NAA35: variants seen among roughly 807,000 people sequenced by gnomAD.
NAA35 encodes the protein N-alpha-acetyltransferase 35, NatC auxiliary subunit.
A neutral mutation model predicts 101.7 loss-of-function variants in NAA35; 18 were observed. That is an observed-to-expected ratio of 0.18 (90% CI 0.12 to 0.26). NAA35 has a LOEUF of 0.26. Among genes scored for constraint, NAA35 ranks in the 10% least tolerant of loss-of-function variants. The pLI, the probability that NAA35 is intolerant of heterozygous loss-of-function variation, is 1.00. For synonymous variants in NAA35, 267 were observed against 273.1 expected (o/e 0.98, Z 0.22); for missense variants, 601 against 886.8 (o/e 0.68, Z 4.09).
chr9:86,018,702 A>G lies in NAA35; in HGVS notation c.1918A>G (p.Met640Val), dbSNP rs1832357577. ...PPVHYLQFKEMSDLNKYSPPP... is the reference protein window; with the variant it reads ...PPVHYLQFKEVSDLNKYSPPP... ...TTATACTTCCCCTTCTTTTTAGGAA[A>G]TGTCTGACCTCAATAAATATAGCCC... The change falls in exon 21 of 23, where the codon ATG becomes GTG. Residue 640 changes from methionine (M) to valine (V), a missense_variant. By Grantham distance (21) the Met-to-Val change is conservative. Coordinates refer to ENST00000361671, the MANE Select transcript of NAA35 (RefSeq NM_024635.4). 6.2e-7 allele frequency: 1 copy of G among 1,609,020 alleles called. No homozygotes were observed. Among genetic ancestry groups the G allele is most frequent in the Non-Finnish European group, 8.5e-7 (1 of 1,178,740 alleles).
chr9:85,979,653 A>G (rs1830351985), intron 11 of NAA35, among the ~76,000 whole-genome samples: 3 of 152,186 alleles, frequency 2.0e-5, no homozygotes. Context: ...CTTTTTACAC[A>G]CAGTCTACTC....
rs1476181552 is a variant in NAA35 at position 85,942,522 on chromosome 9, TAGAG to T, written c.124+244_124+247del. On this transcript the variant is annotated intron_variant, in intron 2 of 22. Coordinates refer to ENST00000361671, the MANE Select transcript of NAA35 (RefSeq NM_024635.4). ...TTGAATTTTTCTTGCTTTAACAGGT[TAGAG>T]AGAGCAGTAATTTCTAACTGTGGAA... 5.3e-5 allele frequency among the ~76,000 whole-genome samples: 8 copies of T among 152,358 alleles called. 1 individual carries two copies. The East Asian group carries it at 5.8e-4, about 11-fold the overall frequency.
At chr9:85,966,471 T>C (rs138919466) in intron 6 of NAA35, 201 of 296,784 alleles carry the variant, frequency 6.8e-4, no homozygotes, top group Non-Finnish European at 1.2e-3. Context: ...TGAAGGAAGG[T>C]TATCGAATGT....
At chr9:85,968,742 A>C (rs970592678) in intron 6 of NAA35, among the ~76,000 whole-genome samples, 5 of 152,116 alleles carry the variant, frequency 3.3e-5, no homozygotes, top group Admixed American at 2.6e-4. Flanking sequence ...GTTAGATTAG[A>C]TCAGAATATA....
chr9:85,947,657 G>T (rs1828829140), intron 2 of NAA35, among the ~76,000 whole-genome samples: 3 of 152,132 alleles, frequency 2.0e-5, no homozygotes, highest in Non-Finnish European at 4.4e-5. Context: ...GGTGCTACTG[G>T]CATCTAACAA....
At chr9:86,019,447 G>A (rs1422134366) in intron 21 of NAA35, among the ~76,000 whole-genome samples, 1 of 152,062 alleles carries the variant, frequency 6.6e-6, no homozygotes, top group African/African-American at 2.4e-5. Flanking sequence ...GGTGACGAGC[G>A]AAACTCCATC....
chr9:85,955,347 TATATATATA>T (rs1320872817), intron 2 of NAA35, among the ~76,000 whole-genome samples: 62 of 77,522 alleles, frequency 8.0e-4, no homozygotes, highest in Middle Eastern at 5.6e-3. Flanking sequence ...TATATATATA[TATATATATA>T]TATATTTTTT....
chr9:85,969,397 T>C (rs1322258675), intron 6 of NAA35, among the ~76,000 whole-genome samples: 9 of 152,146 alleles, frequency 5.9e-5, no homozygotes, highest in African/African-American at 9.7e-5. Context: ...TTTTCTGTTA[T>C]ATAGATGGAC....
chr9:86,009,009 T>TAG (rs1831775332), intron 14 of NAA35, among the ~76,000 whole-genome samples: 1 of 152,230 alleles, frequency 6.6e-6, no homozygotes, highest in African/African-American at 2.4e-5. Flanking sequence ...TAGGGTCTTC[T>TAG]AGAGCTCTCT....
At chr9:85,985,733 T>TA (rs1830620735) in intron 11 of NAA35, among the ~76,000 whole-genome samples, 1 of 152,220 alleles carries the variant, frequency 6.6e-6, no homozygotes, top group African/African-American at 2.4e-5. Flanking sequence ...ATAGGTGAGT[T>TA]ATGTGGTATG....
intron 12 of NAA35, among the ~76,000 whole-genome samples, chr9:86,003,172 T>G (rs1380938695): frequency 6.6e-6 from 1 of 152,202 alleles, no homozygotes; most frequent in Non-Finnish European, 1.5e-5. Context: ...GGTAGACTCT[T>G]GCTCAAAAAC....
At chr9:85,947,668 G>A (rs768008090) in intron 2 of NAA35, among the ~76,000 whole-genome samples, 1 of 152,144 alleles carries the variant, frequency 6.6e-6, no homozygotes, top group Non-Finnish European at 1.5e-5. Flanking sequence ...CATCTAACAA[G>A]TACATGCCAG....
intron 3 of NAA35, among the ~76,000 whole-genome samples, chr9:85,957,576 T>C (rs969751332): frequency 2.6e-5 from 4 of 152,158 alleles, no homozygotes; most frequent in African/African-American, 7.2e-5. Flanking sequence ...CACTGCCGCA[T>C]TGGGGATCAA....
At chr9:85,980,317 A>G (rs1830383860) in intron 11 of NAA35, among the ~76,000 whole-genome samples, 1 of 151,338 alleles carries the variant, frequency 6.6e-6, no homozygotes, top group Admixed American at 6.6e-5. Context: ...TTGGTGAGCA[A>G]CTGGACCTTC....
At chr9:86,007,615 C>A in intron 14 of NAA35, 151 bp downstream of exon 14, 1 of 543,738 alleles carries the variant, frequency 1.8e-6, no homozygotes, top group Non-Finnish European at 3.2e-6. Flanking sequence ...TTGATCTCTG[C>A]CACATTGTTT....
At chr9:86,006,975 T>C (rs1377330783) in intron 13 of NAA35, among the ~76,000 whole-genome samples, 2 of 152,230 alleles carry the variant, frequency 1.3e-5, no homozygotes, top group Non-Finnish European at 2.9e-5. Context: ...AATATTTGTA[T>C]ATGTTACAAA....
At chr9:85,984,182 G>A (rs1048159008) in intron 11 of NAA35, among the ~76,000 whole-genome samples, 6 of 152,066 alleles carry the variant, frequency 3.9e-5, no homozygotes, top group Non-Finnish European at 7.4e-5. Context: ...TTAAAAATTA[G>A]CCAGGTGTGG....
At position 85,954,986 on chromosome 9, in the gene NAA35, C is replaced by T. The variant is rs914857063; in HGVS notation, c.125-1374C>T. Among the ~76,000 whole-genome samples, 11 of 151,486 alleles carry T rather than the reference C, an allele frequency of 7.3e-5. No individual in the cohort carries two copies. In the East Asian group the frequency reaches 1.2e-3, roughly 16 times the overall value. ...AGGTTGGAGTGCAGTGGCACAATCTCGGCTCACTGCAACCTCTGCCTCCCG... is the reference window on the plus strand; with the variant it reads ...AGGTTGGAGTGCAGTGGCACAATCTTGGCTCACTGCAACCTCTGCCTCCCG... On this transcript the variant is annotated intron_variant, in intron 2 of 22. Coordinates refer to ENST00000361671, the MANE Select transcript of NAA35 (RefSeq NM_024635.4).
chr9:85,950,304 G>A (rs572453221), intron 2 of NAA35, among the ~76,000 whole-genome samples: 6 of 152,284 alleles, frequency 3.9e-5, no homozygotes, highest in Admixed American at 3.9e-4. Context: ...GGAGTGCCAT[G>A]GCACAATCTC....
Sources: gnomAD v4.1 joint callset for allele counts (sites outside exome capture counted in the v4.1 genomes callset) on GRCh38, gnomAD v4.1.1 for gene constraint, MANE v1.5 for transcripts, NCBI Gene and HGNC (gene_info 2026-07-23, HGNC 2026-07-21) for gene names.